The following GRID2 variants were observed in gnomAD, a reference collection of about 807,000 sequenced individuals.
The protein encoded by GRID2 is glutamate ionotropic receptor delta type subunit 2.
A neutral mutation model predicts 114.8 loss-of-function variants in GRID2; 33 were observed. That is an observed-to-expected ratio of 0.29 (90% CI 0.22 to 0.38). The LOEUF (loss-of-function observed/expected upper bound fraction) is 0.38, where lower values mean the gene tolerates loss of function less well. GRID2 is among the 10% of genes least tolerant of loss of function. The pLI is 1.00. For missense variants in GRID2, 1,184 were observed against 1,257.7 expected (o/e 0.94, Z 0.89); for synonymous variants, 505 against 449.9 (o/e 1.12, Z -1.55).
At chr4:93,622,956 A>G (rs912044292) in intron 13 of GRID2, among the ~76,000 whole-genome samples, 2 of 152,146 alleles carry the variant, frequency 1.3e-5, no homozygotes, top group Non-Finnish European at 2.9e-5. Flanking sequence ...TCTTTAAAAA[A>G]TTATATTTAA....
At chr4:93,283,407 T>A (rs1282849407) in intron 8 of GRID2, among the ~76,000 whole-genome samples, 1 of 152,104 alleles carries the variant, frequency 6.6e-6, no homozygotes, top group Non-Finnish European at 1.5e-5. Context: ...TTTCCGTCTC[T>A]GCTCAAAATG....
chr4:93,068,454 T>C (rs1185809133), intron 2 of GRID2, among the ~76,000 whole-genome samples: 1 of 152,100 alleles, frequency 6.6e-6, no homozygotes, highest in Non-Finnish European at 1.5e-5. Flanking sequence ...AGACAGAACA[T>C]TTCTTTGCAA....
At chr4:92,675,372 C>A (rs752917770) in intron 2 of GRID2, among the ~76,000 whole-genome samples, 5 of 152,062 alleles carry the variant, frequency 3.3e-5, no homozygotes, top group Non-Finnish European at 7.4e-5. Context: ...CAAAAATAAT[C>A]ACTATCCAAA....
chr4:93,002,091 A>G (rs1030863082), intron 2 of GRID2, among the ~76,000 whole-genome samples: 1 of 151,730 alleles, frequency 6.6e-6, no homozygotes, highest in East Asian at 1.9e-4. Context: ...TACGTGGTAC[A>G]GCTACATTGT....
At chr4:93,139,639 C>T (rs1735575446) in intron 4 of GRID2, among the ~76,000 whole-genome samples, 1 of 152,054 alleles carries the variant, frequency 6.6e-6, no homozygotes, top group South Asian at 2.1e-4. Context: ...CCTAAGGCCC[C>T]CGGAAGACTT....
At chr4:92,747,277 T>C (rs1737196552) in intron 2 of GRID2, among the ~76,000 whole-genome samples, 1 of 152,106 alleles carries the variant, frequency 6.6e-6, no homozygotes, top group Non-Finnish European at 1.5e-5. Context: ...AATTCTCATA[T>C]CTAATTTTTT....
chr4:93,608,925 C>G lies in GRID2; in HGVS notation c.2194-17344C>G, dbSNP rs1398271024. ...ATGGTTGAACTAGTTGACAGTCCCACCAACAGTGTCAAAGTGTTCCTATTT... is the reference window on the plus strand; with the variant it reads ...ATGGTTGAACTAGTTGACAGTCCCAGCAACAGTGTCAAAGTGTTCCTATTT... On this transcript the variant is annotated intron_variant, in intron 13 of 15. Coordinates refer to ENST00000282020, the MANE Select transcript of GRID2 (RefSeq NM_001510.4). Among the ~76,000 whole-genome samples the G allele has an allele frequency of 1.5e-5, 2 of 129,620 alleles. 1 individual carries two copies. The highest frequency in any genetic ancestry group is 3.4e-5 in the Non-Finnish European group (2 of 58,818). The allele number at this position is 129,620 out of a possible 152,430, so 85.0% of individuals were successfully genotyped here.
chr4:92,854,878 A>G (rs1277439779), intron 2 of GRID2, among the ~76,000 whole-genome samples: 10 of 152,046 alleles, frequency 6.6e-5, no homozygotes, highest in Non-Finnish European at 1.3e-4. Context: ...TCTTTGCCAT[A>G]ATGAAATTGA....
intron 10 of GRID2, among the ~76,000 whole-genome samples, chr4:93,441,979 C>T (rs1721663199): frequency 1.3e-5 from 2 of 151,912 alleles, no homozygotes; most frequent in Admixed American, 1.3e-4. Flanking sequence ...CTCTCCTACT[C>T]ATTTTATATT....
At chr4:93,270,876 A>G (rs1047882360) in intron 8 of GRID2, among the ~76,000 whole-genome samples, 2 of 152,004 alleles carry the variant, frequency 1.3e-5, no homozygotes, top group African/African-American at 4.8e-5. Flanking sequence ...TGATCCACCC[A>G]CTTCAGCCTC....
chr4:92,709,572 GAAAAAAAAAAA>G (rs767320278), intron 2 of GRID2, among the ~76,000 whole-genome samples: 1 of 101,060 alleles, frequency 9.9e-6, no homozygotes, highest in African/African-American at 3.6e-5. Flanking sequence ...ATAGTGTAGA[GAAAAAAAAAAA>G]AAAAAAATAT....
intron 8 of GRID2, among the ~76,000 whole-genome samples, chr4:93,391,593 C>A (rs1764856990): frequency 6.6e-6 from 1 of 152,110 alleles, no homozygotes; most frequent in Admixed American, 6.5e-5. Flanking sequence ...TCCCCTGACT[C>A]CTGTTATTAA....
intron 2 of GRID2, among the ~76,000 whole-genome samples, chr4:92,628,602 C>T: frequency 6.6e-6 from 1 of 152,138 alleles, no homozygotes; most frequent in East Asian, 1.9e-4. Flanking sequence ...AGGCGATCTG[C>T]CCGCCTCGGC....
chr4:93,201,011 T>C (rs1235035981), intron 4 of GRID2, among the ~76,000 whole-genome samples: 2 of 152,312 alleles, frequency 1.3e-5, no homozygotes, highest in African/African-American at 4.8e-5. Context: ...GTGGGCACTA[T>C]CATTATTCTT....
At chr4:92,852,317 G>T (rs1743875131) in intron 2 of GRID2, among the ~76,000 whole-genome samples, 1 of 151,566 alleles carries the variant, frequency 6.6e-6, no homozygotes. Context: ...CTTTTCATCT[G>T]TACTGTCTCC....
chr4:92,960,528 A>T (rs1752730491), intron 2 of GRID2, among the ~76,000 whole-genome samples: 1 of 151,966 alleles, frequency 6.6e-6, no homozygotes, highest in Non-Finnish European at 1.5e-5. Context: ...CTTATCTCTG[A>T]TACTATCCTT....
intron 2 of GRID2, among the ~76,000 whole-genome samples, chr4:92,920,994 G>C (rs185559801): frequency 6.6e-6 from 1 of 152,088 alleles, no homozygotes; most frequent in African/African-American, 2.4e-5. Context: ...CCAATCAGAC[G>C]TAGATTTGGT....
At chr4:93,084,547 G>T (rs1215230163) in intron 2 of GRID2, among the ~76,000 whole-genome samples, 1 of 152,030 alleles carries the variant, frequency 6.6e-6, no homozygotes, top group Non-Finnish European at 1.5e-5. Flanking sequence ...TTATTCACCG[G>T]TTTACATATT....
chr4:93,556,800 T>G (rs1734364220), intron 13 of GRID2, among the ~76,000 whole-genome samples: 1 of 151,790 alleles, frequency 6.6e-6, no homozygotes, highest in South Asian at 2.1e-4. Flanking sequence ...ACTCATGAGA[T>G]CCACCAAGGT....
Sources: gnomAD v4.1 joint callset for allele counts (sites outside exome capture counted in the v4.1 genomes callset) on GRCh38, gnomAD v4.1.1 for gene constraint, MANE v1.5 for transcripts, NCBI Gene and HGNC (gene_info 2026-07-23, HGNC 2026-07-21) for gene names.